ATOX1: variants seen among roughly 807,000 people sequenced by gnomAD.
The protein encoded by ATOX1 is copper transport protein ATOX1.
In ATOX1, 4 loss-of-function variants were observed where a neutral mutation model predicts 7.3. That is an observed-to-expected ratio of 0.55 (90% CI 0.27 to 1.25). The LOEUF (loss-of-function observed/expected upper bound fraction) is 1.25. Among genes scored for constraint, ATOX1 ranks in the 50% most tolerant of loss-of-function variants. The pLI, the probability that ATOX1 is intolerant of heterozygous loss-of-function variation, is 0.12. For synonymous variants in ATOX1, 25 were observed against 28.7 expected, an observed-to-expected ratio of 0.87 and a Z score of 0.41; for missense variants, 68 against 81.6, an observed-to-expected ratio of 0.83 and a Z score of 0.64.
chr5:151,750,627 C>T (rs1194842477), intron 2 of ATOX1, among the ~76,000 whole-genome samples: 27 of 131,734 alleles, frequency 2.0e-4, no homozygotes, highest in African/African-American at 4.2e-4. Context: ...TTTTTTAAAT[C>T]TTTCCTTTTT....
chr5:151,746,221 G>A (rs1225193661), intron 3 of ATOX1, 58 bp downstream of exon 3: 6 of 1,482,516 alleles, frequency 4.0e-6, no homozygotes, highest in East Asian at 2.4e-5. Context: ...CAAGGTGTTC[G>A]CTCTGATGAG....
intron 3 of ATOX1, chr5:151,746,021 C>T: frequency 3.7e-6 from 1 of 272,796 alleles, no homozygotes; most frequent in Middle Eastern, 1.3e-3. Flanking sequence ...AACTGCAACC[C>T]TCAAGTCTGA....
intron 2 of ATOX1, among the ~76,000 whole-genome samples, chr5:151,747,069 CT>C (rs202117404): frequency 0.19 from 26,192 of 136,484 alleles, 2,429 homozygotes; most frequent in African/African-American, 0.27. Flanking sequence ...AATATAGACA[CT>C]TTTTTTTTTT....
intron 2 of ATOX1, among the ~76,000 whole-genome samples, chr5:151,748,810 A>G (rs767313109): frequency 1.0e-3 from 158 of 152,170 alleles, no homozygotes; most frequent in Non-Finnish European, 1.6e-3. Flanking sequence ...GCAGTGAGCC[A>G]AGATCATGCC....
At chr5:151,753,845 A>G (rs1261923024) in intron 1 of ATOX1, 2 of 152,184 alleles carry the variant, frequency 1.3e-5, no homozygotes, top group African/African-American at 4.8e-5. Flanking sequence ...TGGCTTCTCA[A>G]ACTCTTTCCA....
intron 2 of ATOX1, among the ~76,000 whole-genome samples, chr5:151,748,758 G>C (rs1463186052): frequency 6.6e-6 from 1 of 152,158 alleles, no homozygotes; most frequent in South Asian, 2.1e-4. Flanking sequence ...CTTCTCGGGA[G>C]GCTGGGGCAG....
intron 3 of ATOX1, chr5:151,743,429 G>T (rs1761844580): frequency 6.6e-6 from 1 of 152,204 alleles, no homozygotes; most frequent in African/African-American, 2.4e-5. Context: ...CAGTCACTGA[G>T]GAGCCTCTTA....
At chr5:151,753,685 GA>G (rs1761978329) in intron 1 of ATOX1, 1 of 152,178 alleles carries the variant, frequency 6.6e-6, no homozygotes, top group South Asian at 2.1e-4. Context: ...TGCATAGGAA[GA>G]ATCTGGGGAC....
intron 1 of ATOX1, chr5:151,752,441 C>T (rs1262389156): frequency 7.2e-6 from 5 of 693,326 alleles, no homozygotes; most frequent in African/African-American, 5.4e-5. Flanking sequence ...GTAAGCTCTA[C>T]ATTCTACAGT....
At chr5:151,757,331 A>T (rs1762031083) in intron 1 of ATOX1, among the ~76,000 whole-genome samples, 1 of 151,944 alleles carries the variant, frequency 6.6e-6, no homozygotes, top group Non-Finnish European at 1.5e-5. Flanking sequence ...GGTGGCCTTC[A>T]CTCCCCAAGC....
intron 2 of ATOX1, among the ~76,000 whole-genome samples, chr5:151,746,760 G>A (rs893677415): frequency 5.3e-5 from 8 of 152,164 alleles, no homozygotes; most frequent in African/African-American, 1.7e-4. Context: ...CTGAGACAGA[G>A]ACGCACTCTG....
intron 1 of ATOX1, chr5:151,752,048 G>A (rs564348343): frequency 3.3e-6 from 2 of 597,340 alleles, no homozygotes; most frequent in South Asian, 4.1e-5. Flanking sequence ...ATCACCTGGA[G>A]ATCTAGTTTA....
chr5:151,751,584 T>C, intron 2 of ATOX1, 120 bp downstream of exon 2: 1 of 979,326 alleles, frequency 1.0e-6, no homozygotes, highest in Non-Finnish European at 1.5e-6. Context: ...TGGCACGTGC[T>C]AAGTACTCAA....
chr5:151,751,971 C>T (rs1006307986), intron 1 of ATOX1, 192 bp from the exon 2 acceptor site: 2 of 607,254 alleles, frequency 3.3e-6, no homozygotes, highest in Non-Finnish European at 5.9e-6. Flanking sequence ...GTTTCTACCT[C>T]ACAAGTTGTA....
chr5:151,757,898 T>C (rs1457690120), intron 1 of ATOX1, among the ~76,000 whole-genome samples: 1 of 152,174 alleles, frequency 6.6e-6, no homozygotes, highest in African/African-American at 2.4e-5. Context: ...TAAGACTGAG[T>C]GATCTGCAAA....
At chr5:151,758,244 C>T (rs1762039396) in intron 1 of ATOX1, among the ~76,000 whole-genome samples, 1 of 152,250 alleles carries the variant, frequency 6.6e-6, no homozygotes, top group South Asian at 2.1e-4. Context: ...CACCAACTCC[C>T]CCATCCCCTG....
At position 151,751,711 on chromosome 5, in the gene ATOX1, C is replaced by T. The variant is rs780615698; in HGVS notation, c.75G>A (p.Lys25=). The change falls in exon 2 of 4, where the codon AAG becomes AAA. Residue 25 remains lysine (K), a synonymous_variant. Transcript: ENST00000313115. ...CAEAVSRVLN[K]LGGVKYDIDL... ...TCAGGGCCACTCACTCACCTCCAAG[C>T]TTATTGAGGACCCGAGAGACAGCTT... The T allele has an allele frequency of 8.7e-6, 14 of 1,605,890 alleles. No homozygotes were observed. In the African/African-American group the frequency reaches 1.9e-4, roughly 21 times the overall value.
chr5:151,755,508 C>T (rs1028559134), intron 1 of ATOX1, among the ~76,000 whole-genome samples: 4 of 152,192 alleles, frequency 2.6e-5, no homozygotes, highest in Non-Finnish European at 4.4e-5. Flanking sequence ...ATAACCCTGA[C>T]TCTCAGCAGA....
In ATOX1 at chr5:151,757,431, TTTG is replaced by T. The variant is rs138061032; in HGVS notation, c.6+1112_6+1114del. ...ATTCTATCAGATTCCTTATCCATAC[TTTG>T]TTGTTGGAGGATTTGTCTCAAGGCA... is the stretch of plus-strand genomic sequence containing the variant. On this transcript the variant is annotated intron_variant, in intron 1 of 3. Transcript: ENST00000313115. Among the ~76,000 whole-genome samples, 1,211 of 152,338 alleles carry T rather than the reference TTTG, an allele frequency of 7.9e-3. 27 individuals carry two copies. Among genetic ancestry groups the T allele is most frequent in the African/African-American group, 0.027 (1,107 of 41,576 alleles).
Sources: gnomAD v4.1 joint callset for allele counts (sites outside exome capture counted in the v4.1 genomes callset) on GRCh38, gnomAD v4.1.1 for gene constraint, MANE v1.5 for transcripts, NCBI Gene and HGNC (gene_info 2026-07-23, HGNC 2026-07-21) for gene names.